LDAF1: variants seen among roughly 807,000 people sequenced by gnomAD.
LDAF1 encodes lipid droplet assembly factor 1, also known as PROMETHIN.
In LDAF1, 7 loss-of-function variants were observed where a neutral mutation model predicts 13.5. That is an observed-to-expected ratio of 0.52 (90% CI 0.29 to 0.97). The LOEUF is 0.97. LDAF1 is among the 50% of genes least tolerant of loss of function. The probability of loss-of-function intolerance (pLI) is 0.07; values close to 1 mark genes in which losing one functional copy is unlikely to be tolerated. For missense variants in LDAF1, 148 were observed against 193.2 expected (o/e 0.77, Z 1.39); for synonymous variants, 69 against 77.1 (o/e 0.89, Z 0.55).
intron 3 of LDAF1, 116 bp downstream of exon 3, chr16:21,170,721 G>T (rs913048989): frequency 2.4e-6 from 3 of 1,245,036 alleles, no homozygotes; most frequent in Admixed American, 4.3e-5. Context: ...GCCCAGGCTG[G>T]TCTCAAACTC....
chr16:21,173,531 T>C (rs1311134100), intron 3 of LDAF1, among the ~76,000 whole-genome samples: 7 of 152,056 alleles, frequency 4.6e-5, no homozygotes, highest in Non-Finnish European at 7.4e-5. Context: ...CTGGCCAACA[T>C]AGTGAAACCC....
intron 1 of LDAF1, chr16:21,159,971 T>C (rs937521395): frequency 2.9e-5 from 29 of 985,154 alleles, no homozygotes; most frequent in Non-Finnish European, 3.1e-5. Context: ...AGTCCCCTCC[T>C]CAACTTTCCC....
chr16:21,167,980 T>C (rs1391701781), intron 2 of LDAF1, among the ~76,000 whole-genome samples: 1 of 139,312 alleles, frequency 7.2e-6, no homozygotes, highest in Non-Finnish European at 1.5e-5. Flanking sequence ...CACTCCAGCC[T>C]GGGCGACAAG....
At chr16:21,167,384 A>G (rs1419596561) in intron 2 of LDAF1, among the ~76,000 whole-genome samples, 1 of 152,254 alleles carries the variant, frequency 6.6e-6, no homozygotes, top group Non-Finnish European at 1.5e-5. Context: ...GTTCCTTTCA[A>G]GTGAACAGGA....
At chr16:21,168,516 TATA>T (rs1010781569) in intron 2 of LDAF1, among the ~76,000 whole-genome samples, 2 of 146,300 alleles carry the variant, frequency 1.4e-5, no homozygotes, top group South Asian at 4.2e-4. Flanking sequence ...TAATTATAAT[TATA>T]ATAAATAATA....
intron 4 of LDAF1, chr16:21,177,028 A>C (rs998253419): frequency 1.3e-5 from 2 of 152,218 alleles, no homozygotes; most frequent in Admixed American, 6.5e-5. Context: ...CTATTCATTT[A>C]AAAGGAACAA....
In LDAF1 at chr16:21,176,900, G is replaced by GAA. The variant is rs767903367; in HGVS notation, c.405-2561_405-2560dup. 2.4e-3 allele frequency among the ~76,000 whole-genome samples: 319 copies of GAA among 131,458 alleles called. 1 individual carries two copies. Among genetic ancestry groups the GAA allele is most frequent in the African/African-American group, 8.2e-3 (298 of 36,146 alleles). 86.2% of individuals were successfully genotyped at this position (131,458 alleles called of 152,430 possible). A position where few individuals can be genotyped will look rare whatever the true frequency, so the allele number is the denominator to read the frequency against. On this transcript the variant is annotated intron_variant, in intron 4 of 4. Coordinates refer to ENST00000233047, the MANE Select transcript of LDAF1 (RefSeq NM_001301771.2). Reference sequence around the variant, plus strand: ...GGGTGACAGAGCTAGACTCTGTCTGGAAAAAAAAAAAAAAAGAATATTAAT... The same window carrying GAA: ...GGGTGACAGAGCTAGACTCTGTCTGGAAAAAAAAAAAAAAAAAGAATATTAAT...
At chr16:21,163,122 T>A (rs911472511) in intron 2 of LDAF1, among the ~76,000 whole-genome samples, 1 of 152,238 alleles carries the variant, frequency 6.6e-6, no homozygotes, top group Non-Finnish European at 1.5e-5. Context: ...CATCACAGCC[T>A]TCTCATGGTT....
chr16:21,160,986 C>A (rs536402363), intron 1 of LDAF1, 99 bp from the exon 2 acceptor site: 1 of 1,343,738 alleles, frequency 7.4e-7, no homozygotes, highest in Non-Finnish European at 9.5e-7. Flanking sequence ...AGGTTACCCT[C>A]CGTCTGCATG....
intron 1 of LDAF1, among the ~76,000 whole-genome samples, 200 bp downstream of exon 1, chr16:21,158,946 CG>C (rs767534981): frequency 2.3e-4 from 35 of 152,072 alleles, no homozygotes; most frequent in Non-Finnish European, 4.1e-4. Flanking sequence ...TGGGAGCGCA[CG>C]AGGAGACACG....
intron 1 of LDAF1, chr16:21,159,546 T>C: frequency 9.1e-7 from 1 of 1,099,580 alleles, no homozygotes; most frequent in South Asian, 1.4e-5. Flanking sequence ...ATTTGGAGCC[T>C]TGGAAGGGGA....
At position 21,178,183 on chromosome 16, in the gene LDAF1, C is replaced by T. The variant is rs1029716209; in HGVS notation, c.405-1292C>T. The T allele has an allele frequency of 1.4e-5, 14 of 984,792 alleles. No homozygotes were observed. The African/African-American group carries it at 2.3e-4, about 16-fold the overall frequency. The allele number at this position is 984,792 out of a possible 1,614,324, so 61.0% of individuals were successfully genotyped here. On this transcript the variant is annotated intron_variant, in intron 4 of 4. Transcript: ENST00000233047. ...CCTGCCTCCTATGTAGATCAGCTAG[C>T]CTCTGAGGGGCAAAACCACACTGCT...
intron 3 of LDAF1, chr16:21,172,870 C>T (rs2093102847): frequency 1.0e-6 from 1 of 984,008 alleles, no homozygotes; most frequent in Non-Finnish European, 1.2e-6. Context: ...TTCAGGGTCC[C>T]TCCCTGAAAC....
At chr16:21,166,945 A>G in intron 2 of LDAF1, 1 of 1,524,808 alleles carries the variant, frequency 6.6e-7, no homozygotes, top group Non-Finnish European at 8.8e-7. Context: ...TGGCTAGAGA[A>G]GCGGAATAGC....
intron 2 of LDAF1, among the ~76,000 whole-genome samples, chr16:21,162,975 G>A (rs1273801049): frequency 6.6e-6 from 1 of 152,102 alleles, no homozygotes; most frequent in Non-Finnish European, 1.5e-5. Flanking sequence ...ACATAACCTC[G>A]TTTTATGTGT....
At chr16:21,170,984 A>G (rs2093082644) in intron 3 of LDAF1, among the ~76,000 whole-genome samples, 1 of 152,214 alleles carries the variant, frequency 6.6e-6, no homozygotes. Flanking sequence ...TACAATCTCA[A>G]AAGGTTGTTG....
chr16:21,166,806 T>C, intron 2 of LDAF1: 1 of 1,530,762 alleles, frequency 6.5e-7, no homozygotes, highest in African/African-American at 1.4e-5. Flanking sequence ...GTGTGGTGAC[T>C]CCCACGGCTC....
intron 2 of LDAF1, 63 bp from the exon 3 acceptor site, chr16:21,170,374 G>T: frequency 1.2e-6 from 2 of 1,601,458 alleles, no homozygotes; most frequent in Non-Finnish European, 8.5e-7. Flanking sequence ...AGCTTGGGCA[G>T]ATTCATTCAA....
At chr16:21,165,039 G>A (rs2093010533) in intron 2 of LDAF1, among the ~76,000 whole-genome samples, 2 of 152,160 alleles carry the variant, frequency 1.3e-5, no homozygotes, top group Non-Finnish European at 2.9e-5. Context: ...CTCCCCTCCT[G>A]GGACAGACTG....
Sources: allele counts gnomAD v4.1 joint callset (sites outside exome capture counted in the v4.1 genomes callset), GRCh38; gene constraint gnomAD v4.1.1; transcripts MANE v1.5; gene names NCBI Gene and HGNC (gene_info 2026-07-23, HGNC 2026-07-21).